The following RNF216 variants were observed in gnomAD, a reference collection of about 807,000 sequenced individuals.
RNF216 encodes ring finger protein 216.
In RNF216, 72 loss-of-function variants were observed where a neutral mutation model predicts 110.8. The observed-to-expected ratio is 0.65, with a 90% CI of 0.54 to 0.79. RNF216 has a LOEUF of 0.79. Among genes scored for constraint, RNF216 ranks in the 30% least tolerant of loss-of-function variants. The pLI, the probability that RNF216 is intolerant of heterozygous loss-of-function variation, is 0.00. For missense variants in RNF216, 1,342 were observed against 1,141.2 expected (o/e 1.18, Z -2.54); for synonymous variants, 495 against 407.5 (o/e 1.21, Z -2.59).
At chr7:5,755,198 A>G (rs969034283) in intron 2 of RNF216, among the ~76,000 whole-genome samples, 1 of 125,508 alleles carries the variant, frequency 8.0e-6, no homozygotes, top group Non-Finnish European at 1.7e-5. Flanking sequence ...GGAAGGAAGG[A>G]AGGGAGGGAA....
rs532040901 is a variant in RNF216, at chr7:5,721,479, T to C, written c.1505-307A>G. Among the ~76,000 whole-genome samples the C allele has an allele frequency of 2.0e-5, 3 of 152,328 alleles. No homozygotes were observed. The South Asian group carries it at 6.2e-4, about 32-fold the overall frequency. On this transcript the variant is annotated intron_variant, in intron 8 of 16. Coordinates refer to ENST00000389902, the MANE Select transcript of RNF216 (RefSeq NM_207111.4). ...ATTATCTATTTCACTACTGAGGACATTTGGGTTTGCTGTTTTGGGTTAATC... is the reference window on the plus strand; with the variant it reads ...ATTATCTATTTCACTACTGAGGACACTTGGGTTTGCTGTTTTGGGTTAATC...
intron 1 of RNF216, among the ~76,000 whole-genome samples, chr7:5,781,213 G>A (rs1260273206): frequency 6.6e-6 from 1 of 152,140 alleles, no homozygotes; most frequent in Non-Finnish European, 1.5e-5. Flanking sequence ...GCCCGGGGGA[G>A]GGAAGCGCGG....
intron 14 of RNF216, among the ~76,000 whole-genome samples, chr7:5,643,189 T>C (rs1787846636): frequency 6.6e-6 from 1 of 152,110 alleles, no homozygotes; most frequent in African/African-American, 2.4e-5. Flanking sequence ...GTTAAACAGC[T>C]ATTCAATATT....
At chr7:5,716,798 C>G (rs1793092869) in intron 9 of RNF216, 32 bp from the exon 10 acceptor site, 1 of 1,571,434 alleles carries the variant, frequency 6.4e-7, no homozygotes, top group African/African-American at 1.4e-5. Flanking sequence ...CATTCAGACA[C>G]AAATTTAGTA....
chr7:5,687,410 A>G (rs1008297665), intron 13 of RNF216, among the ~76,000 whole-genome samples: 60 of 143,854 alleles, frequency 4.2e-4, no homozygotes, highest in Admixed American at 8.9e-4. Flanking sequence ...AAAAAAAAAA[A>G]AAAAGAAAAA....
intron 13 of RNF216, among the ~76,000 whole-genome samples, chr7:5,683,017 A>G (rs1006901168): frequency 3.9e-5 from 6 of 152,230 alleles, no homozygotes; most frequent in Admixed American, 3.3e-4. Context: ...TGACGGGGTC[A>G]CAAACTCCTT....
At chr7:5,645,597 C>T (rs1473265552) in intron 14 of RNF216, among the ~76,000 whole-genome samples, 3 of 143,986 alleles carry the variant, frequency 2.1e-5, no homozygotes, top group South Asian at 2.2e-4. Context: ...CTTAATTTTT[C>T]TTTTTTTTTT....
intron 13 of RNF216, among the ~76,000 whole-genome samples, chr7:5,667,662 T>A (rs939779927): frequency 2.0e-5 from 3 of 152,202 alleles, no homozygotes; most frequent in African/African-American, 7.2e-5. Context: ...ACCTCTGGGC[T>A]TCCCAGGGTT....
chr7:5,743,985 C>T (rs1278081432), intron 3 of RNF216, among the ~76,000 whole-genome samples: 2 of 152,190 alleles, frequency 1.3e-5, no homozygotes, highest in African/African-American at 2.4e-5. Context: ...CAATGACTTA[C>T]ACTCAATCAA....
chr7:5,741,394 A>G lies in RNF216; in HGVS notation c.623T>C (p.Leu208Pro). 6.2e-7 allele frequency: 1 copy of G among 1,614,212 alleles called. No homozygotes were observed. The change falls in exon 4 of 17, where the codon CTG (leucine) becomes CCG (proline). Residue 208 changes from leucine to proline, a missense_variant. Leu to Pro is a moderately conservative substitution (Grantham distance 98, BLOSUM62 -3). Coordinates refer to ENST00000389902, the MANE Select transcript of RNF216 (RefSeq NM_207111.4). Reference sequence around the variant, plus strand: ...AGCTGACTCTCCTAGATTTGATAACAGCTCTGTCTCTGAGTCTTCGGATGA... The same window carrying G: ...AGCTGACTCTCCTAGATTTGATAACGGCTCTGTCTCTGAGTCTTCGGATGA... ...NQSSEDSETE[L>P]LSNLGESAAL...
chr7:5,759,319 C>G (rs536101095), intron 2 of RNF216, among the ~76,000 whole-genome samples: 1 of 152,198 alleles, frequency 6.6e-6, no homozygotes, highest in African/African-American at 2.4e-5. Context: ...TTCTTTACAG[C>G]CAGTGGAGAA....
chr7:5,703,107 AAATTC>A (rs2128622333), intron 13 of RNF216, among the ~76,000 whole-genome samples: 1 of 152,312 alleles, frequency 6.6e-6, no homozygotes, highest in East Asian at 1.9e-4. Context: ...CCATGATGAG[AAATTC>A]TCACACCACC....
chr7:5,715,400 G>A (rs985568626), intron 10 of RNF216, among the ~76,000 whole-genome samples: 3 of 152,072 alleles, frequency 2.0e-5, no homozygotes, highest in Admixed American at 1.3e-4. Flanking sequence ...CTAAAACAGC[G>A]AGGTTTTCGT....
chr7:5,755,271 C>G (rs1795574675), intron 2 of RNF216, among the ~76,000 whole-genome samples: 1 of 151,418 alleles, frequency 6.6e-6, no homozygotes, highest in South Asian at 2.1e-4. Flanking sequence ...AGGAAGGAAC[C>G]TATCACCTTA....
At chr7:5,633,713 T>G (rs866194642) in intron 15 of RNF216, among the ~76,000 whole-genome samples, 8 of 152,188 alleles carry the variant, frequency 5.3e-5, no homozygotes, top group Admixed American at 3.3e-4. Context: ...CACAGAAGAC[T>G]CTGGCTTGCT....
At position 5,682,567 on chromosome 7, in the gene RNF216, C is replaced by T. The variant is rs139630621; in HGVS notation, c.2061+29194G>A. On this transcript the variant is annotated intron_variant, in intron 13 of 16. Coordinates refer to ENST00000389902, the MANE Select transcript of RNF216 (RefSeq NM_207111.4). ...GGACTACAGGTGCCCACCACCATGCCGGGCTATTTTTGTATTTTTAGTAGA... is the reference window on the plus strand; with the variant it reads ...GGACTACAGGTGCCCACCACCATGCTGGGCTATTTTTGTATTTTTAGTAGA... Among the ~76,000 whole-genome samples, 626 of 152,134 alleles carry T rather than the reference C, an allele frequency of 4.1e-3. 1 individual carries two copies. The highest frequency in any genetic ancestry group is 0.013 in the African/African-American group (552 of 41,490).
intron 15 of RNF216, among the ~76,000 whole-genome samples, chr7:5,636,981 T>C (rs860424): frequency 0.71 from 107,932 of 151,984 alleles, 38,901 homozygotes; most frequent in East Asian, 1. Flanking sequence ...AAGAAAAAAG[T>C]GCTGAGAATA....
intron 13 of RNF216, among the ~76,000 whole-genome samples, chr7:5,673,647 C>A (rs149486237): frequency 6.6e-6 from 1 of 152,316 alleles, no homozygotes; most frequent in East Asian, 1.9e-4. Context: ...GAGAATAAAA[C>A]ACCCCATATC....
intron 1 of RNF216, among the ~76,000 whole-genome samples, chr7:5,770,583 G>C (rs888278465): frequency 4.6e-5 from 7 of 151,960 alleles, no homozygotes; most frequent in Non-Finnish European, 1.0e-4. Context: ...TTGATGTGTA[G>C]ATTTAATACA....
Sources: gnomAD v4.1 joint callset for allele counts (sites outside exome capture counted in the v4.1 genomes callset) on GRCh38, gnomAD v4.1.1 for gene constraint, MANE v1.5 for transcripts, NCBI Gene and HGNC (gene_info 2026-07-23, HGNC 2026-07-21) for gene names.